Variants in FOXK1 observed in about 807,000 individuals in gnomAD.
The protein encoded by FOXK1 is forkhead box K1.
In FOXK1, 19 loss-of-function variants were observed where a neutral mutation model predicts 51.9. The ratio of observed to expected loss-of-function variants is 0.37; its 90% confidence interval spans 0.26 to 0.54. The LOEUF (loss-of-function observed/expected upper bound fraction) is 0.54, where lower values mean the gene tolerates loss of function less well. Ranked by LOEUF, FOXK1 falls within the 20% of genes least tolerant of loss-of-function variation. The pLI is 0.87. For synonymous variants in FOXK1, 537 were observed against 482.6 expected (o/e 1.11, Z -1.48); for missense variants, 870 against 1,032.7 (o/e 0.84, Z 2.16).
At position 4,727,109 on chromosome 7, in the gene FOXK1, C is replaced by A. The variant is rs540319531; in HGVS notation, c.561-13729C>A. On this transcript the variant is annotated intron_variant, in intron 1 of 8. Transcript: ENST00000328914. Reference sequence around the variant, plus strand: ...TACAGGCATGCACCACTATGCCAGGCTAATTTTTTTATTTTTATTTTTTGT... The same window carrying A: ...TACAGGCATGCACCACTATGCCAGGATAATTTTTTTATTTTTATTTTTTGT... 1.7e-3 allele frequency among the ~76,000 whole-genome samples: 265 copies of A among 151,978 alleles called. 5 individuals are homozygous for A. The highest frequency in any genetic ancestry group is 1.8e-4 in the Non-Finnish European group (12 of 67,970).
chr7:4,690,051 C>T (rs537471205), intron 1 of FOXK1, among the ~76,000 whole-genome samples: 2 of 152,102 alleles, frequency 1.3e-5, no homozygotes, highest in Admixed American at 6.5e-5. Context: ...GTGCCAAAGG[C>T]GAAGGGAAGA....
rs1413393704 is a variant in FOXK1 at position 4,748,970 on chromosome 7, C to T, written c.747-5489C>T. Among the ~76,000 whole-genome samples the T allele has an allele frequency of 6.6e-6, 1 of 152,176 alleles. No homozygotes were observed. Among genetic ancestry groups the T allele is most frequent in the Admixed American group, 6.5e-5 (1 of 15,276 alleles). ...CTGGGATTACAGGTGTGAGCCACCT[C>T]GCCTGGACCCCCAGGTTCCTGTCCA... On this transcript the variant is annotated intron_variant, in intron 2 of 8. Transcript: ENST00000328914. This position sits in a 1 kb window ranked among gnomAD's most constrained non-coding sequence, Gnocchi z 4.9.
rs149191835 is a variant in FOXK1 at position 4,747,275 on chromosome 7, CA to C, written c.746+6253del. Among the ~76,000 whole-genome samples, 9,284 of 152,176 alleles carry C rather than the reference CA, an allele frequency of 0.061. 408 individuals are homozygous for C. Among genetic ancestry groups the C allele is most frequent in the Middle Eastern group, 0.088 (26 of 294 alleles). On this transcript the variant is annotated intron_variant, in intron 2 of 8. Coordinates refer to ENST00000328914, the MANE Select transcript of FOXK1 (RefSeq NM_001037165.2). The surrounding 1 kb of genome is among the most constrained non-coding windows in gnomAD (Gnocchi z 9.2). ...CACGAGGACAGCCCTTTCCGGGTTC[CA>C]TGAGCCTCAGGGGAAGCAGGAGGCG...
Position 4,711,615 on chromosome 7 carries a change from G to T in FOXK1, c.560+28747G>T, listed in dbSNP as rs1445177717. ...CTCAAGAGTGCCACTCCTCGGCATT[G>T]TGTGGATGGGCGGTAGTGAGAATAA... is the stretch of plus-strand genomic sequence containing the variant. On this transcript the variant is annotated intron_variant, in intron 1 of 8. Transcript: ENST00000328914. The surrounding 1 kb of genome is among the most constrained non-coding windows in gnomAD (Gnocchi z 6.3). Among the ~76,000 whole-genome samples, 2 of 152,198 alleles carry T rather than the reference G, an allele frequency of 1.3e-5. No individual in the cohort carries two copies. The highest frequency in any genetic ancestry group is 3.9e-4 in the East Asian group (2 of 5,184).
chr7:4,740,913 C>T lies in FOXK1; in HGVS notation c.636C>T (p.Ala212=). The part of the protein sequence containing the change: ...TSLYHKEEAP[A]SPLRPLYPQI... ...TCTATCACAAAGAAGAGGCCCCAGC[C>T]TCCCCGCTGCGGCCACTGTACCCCC... Residue 212 remains alanine (A), a synonymous_variant, in exon 2 of 9, where the codon GCC becomes GCT. Transcript: ENST00000328914. 1.3e-6 allele frequency: 2 copies of T among 1,587,968 alleles called. No homozygotes were observed. Among genetic ancestry groups the T allele is most frequent in the Non-Finnish European group, 1.7e-6 (2 of 1,168,910 alleles).
intron 1 of FOXK1, among the ~76,000 whole-genome samples, chr7:4,717,248 G>C (rs1161322742): frequency 6.7e-6 from 1 of 148,220 alleles, no homozygotes; most frequent in Non-Finnish European, 1.5e-5. Flanking sequence ...CATGTGGCTG[G>C]AAGGTGGTGG....
rs183331003 is a variant in FOXK1, at chr7:4,731,497, C to T, written c.561-9341C>T. Among the ~76,000 whole-genome samples the T allele has an allele frequency of 1.4e-3, 215 of 152,304 alleles. No individual in the cohort carries two copies. The highest frequency in any genetic ancestry group is 2.5e-3 in the Non-Finnish European group (173 of 68,030). On this transcript the variant is annotated intron_variant, in intron 1 of 8. Coordinates refer to ENST00000328914, the MANE Select transcript of FOXK1 (RefSeq NM_001037165.2). This position sits in a 1 kb window ranked among gnomAD's most constrained non-coding sequence, Gnocchi z 5.3. ...AGAGGCGGCCGGGCACAGTGGCTCA[C>T]GCCTGTAATCCCAGCACTTTGGGAG...
At chr7:4,716,630 G>A (rs1227675540) in intron 1 of FOXK1, among the ~76,000 whole-genome samples, 1 of 152,222 alleles carries the variant, frequency 6.6e-6, no homozygotes, top group Non-Finnish European at 1.5e-5. Context: ...GCCAGAGCCT[G>A]AGCCTGGGTC....
rs1562373692 is a variant in FOXK1, at chr7:4,707,311, C to T, written c.560+24443C>T. ...GGCTCAGTGCTTATTTCAGGGAAAA[C>T]TCTTGTGATGAATGGGCCATCCGGG... On this transcript the variant is annotated intron_variant, in intron 1 of 8. Transcript: ENST00000328914. This position sits in a 1 kb window ranked among gnomAD's most constrained non-coding sequence, Gnocchi z 4.1. Among the ~76,000 whole-genome samples, 1 of 152,162 alleles carries T rather than the reference C, an allele frequency of 6.6e-6. No individual in the cohort carries two copies. Among genetic ancestry groups the T allele is most frequent in the Non-Finnish European group, 1.5e-5 (1 of 68,034 alleles).
At chr7:4,713,307 G>A (rs544786561) in intron 1 of FOXK1, among the ~76,000 whole-genome samples, 4 of 149,756 alleles carry the variant, frequency 2.7e-5, no homozygotes, top group South Asian at 2.1e-4. Flanking sequence ...GGGTTGGGGC[G>A]GGCTGGGATT....
rs1226540661 is a variant in FOXK1 at position 4,764,800 on chromosome 7, C to T, written c.*2336C>T. On this transcript the variant is annotated 3_prime_UTR_variant, in exon 9 of 9. Coordinates refer to ENST00000328914, the MANE Select transcript of FOXK1 (RefSeq NM_001037165.2). ...ACAAGCTGATGTCTGCAGGGAGCGCCGCGTGCTGGGATTGCACCACGTGTT... is the reference window on the plus strand; with the variant it reads ...ACAAGCTGATGTCTGCAGGGAGCGCTGCGTGCTGGGATTGCACCACGTGTT... 2 of 152,326 alleles carry T rather than the reference C, an allele frequency of 1.3e-5. No individual in the cohort carries two copies. The highest frequency in any genetic ancestry group is 2.4e-5 in the African/African-American group (1 of 41,458). The allele number at this position is 152,326 out of a possible 1,614,324, so 9.4% of individuals were successfully genotyped here.
chr7:4,684,881 C>T (rs1341356728), intron 1 of FOXK1, among the ~76,000 whole-genome samples: 1 of 151,596 alleles, frequency 6.6e-6, no homozygotes, highest in South Asian at 2.1e-4. Context: ...AGATCGTCTA[C>T]GAATAGGCCA....
In FOXK1 at chr7:4,707,633, G is replaced by A. The variant is rs998449239; in HGVS notation, c.560+24765G>A. ...CTCACTGGGTCTTTGCAGTTGGCGTGTTCCCCGGTGCCATTCGTATCTGAT... is the reference window on the plus strand; with the variant it reads ...CTCACTGGGTCTTTGCAGTTGGCGTATTCCCCGGTGCCATTCGTATCTGAT... On this transcript the variant is annotated intron_variant, in intron 1 of 8. Coordinates refer to ENST00000328914, the MANE Select transcript of FOXK1 (RefSeq NM_001037165.2). The surrounding 1 kb of genome is among the most constrained non-coding windows in gnomAD (Gnocchi z 4.1). 2.0e-5 allele frequency among the ~76,000 whole-genome samples: 3 copies of A among 151,920 alleles called. No individual in the cohort carries two copies. Among genetic ancestry groups the A allele is most frequent in the South Asian group, 4.2e-4 (2 of 4,812 alleles).
rs754227955 is a variant in FOXK1, at chr7:4,761,282, G to A, written c.1915G>A (p.Ala639Thr). ...AVPTNSLAGN[A>T]YALTSPLQLL... ...TCCCACGAACAGTTTAGCCGGCAAC[G>A]CTTACGGTGAGGCCCTGGCCCTGTT... is the stretch of plus-strand genomic sequence containing the variant. Residue 639 changes from alanine to threonine, a missense_variant, in exon 8 of 9, where the codon GCT becomes ACT. Physicochemically the swap from Ala to Thr is moderately conservative, Grantham distance 58. Coordinates refer to ENST00000328914, the MANE Select transcript of FOXK1 (RefSeq NM_001037165.2). This position sits in a 1 kb window ranked among gnomAD's most constrained non-coding sequence, Gnocchi z 6.2. 8.1e-6 allele frequency: 13 copies of A among 1,611,882 alleles called. No individual in the cohort carries two copies. The highest frequency in any genetic ancestry group is 4.5e-5 in the East Asian group (2 of 44,862).
chr7:4,682,416 G>T lies in FOXK1; in HGVS notation c.108G>T (p.Ala36=). ...CAAAAAAAFP[A]AAPPPAPAQP... Reference sequence around the variant, plus strand: ...CAGCCGCCGCCGCCGCCTTCCCCGCGGCCGCACCCCCGCCGGCCCCCGCGC... The same window carrying T: ...CAGCCGCCGCCGCCGCCTTCCCCGCTGCCGCACCCCCGCCGGCCCCCGCGC... The change falls in exon 1 of 9, where the codon GCG becomes GCT. Residue 36 remains alanine, a synonymous_variant. Coordinates refer to ENST00000328914, the MANE Select transcript of FOXK1 (RefSeq NM_001037165.2). The surrounding 1 kb of genome is among the most constrained non-coding windows in gnomAD (Gnocchi z 7.6). 1.0e-6 allele frequency: 1 copy of T among 980,754 alleles called. No individual in the cohort carries two copies. Among genetic ancestry groups the T allele is most frequent in the Non-Finnish European group, 1.2e-6 (1 of 828,432 alleles). 60.8% of individuals were successfully genotyped at this position (980,754 alleles called of 1,614,324 possible). A position where few individuals can be genotyped will look rare whatever the true frequency, so the allele number is the denominator to read the frequency against.
Position 4,759,364 on chromosome 7 carries a change from A to G in FOXK1, c.1465A>G (p.Ser489Gly). 6.2e-7 allele frequency: 1 copy of G among 1,602,578 alleles called. No individual in the cohort carries two copies. The highest frequency in any genetic ancestry group is 1.1e-5 in the South Asian group (1 of 90,876). The change falls in exon 7 of 9, where the codon AGC becomes GGC. Residue 489 changes from serine (S) to glycine (G), a missense_variant. By Grantham distance (56) the Ser-to-Gly change is moderately conservative. Around this residue, in one of 3 missense-constraint regions of FOXK1, gnomAD observed 457 missense variants for 510.8 expected, o/e 0.89. Transcript: ENST00000328914. Reference sequence around the variant, plus strand: ...CATGGCCGTGCCTCCCCGACCGTCCAGCCTCGTGGCCAAGCCCGTGGCCTA... The same window carrying G: ...CATGGCCGTGCCTCCCCGACCGTCCGGCCTCGTGGCCAAGCCCGTGGCCTA... ...VIMAVPPRPS[S>G]LVAKPVAYMP...
intron 1 of FOXK1, among the ~76,000 whole-genome samples, chr7:4,685,535 T>G (rs1455852199): frequency 6.6e-6 from 1 of 151,878 alleles, no homozygotes; most frequent in Non-Finnish European, 1.5e-5. Flanking sequence ...CTTTTTTTTT[T>G]TTTTTTTTTA....
intron 1 of FOXK1, among the ~76,000 whole-genome samples, chr7:4,727,371 G>A (rs1780393350): frequency 6.6e-6 from 1 of 152,134 alleles, no homozygotes; most frequent in African/African-American, 2.4e-5. Flanking sequence ...CCTGGAGTGT[G>A]ATGGTGTGAT....
At chr7:4,732,574 G>A (rs925913116) in intron 1 of FOXK1, among the ~76,000 whole-genome samples, 7 of 152,156 alleles carry the variant, frequency 4.6e-5, no homozygotes, top group Admixed American at 2.0e-4. Flanking sequence ...GATTACAGGC[G>A]TGAACCACCG....
Sources: gnomAD v4.1 joint callset for allele counts (sites outside exome capture counted in the v4.1 genomes callset) on GRCh38, gnomAD v4.1.1 for gene constraint, gnomAD v4.1.1 regional missense constraint, Gnocchi (gnomAD v3.1) non-coding constraint, MANE v1.5 for transcripts, NCBI Gene and HGNC (gene_info 2026-07-23, HGNC 2026-07-21) for gene names.